ROR2: variants seen among roughly 807,000 people sequenced by gnomAD.
The protein encoded by ROR2 is tyrosine-protein kinase transmembrane receptor ROR2.
Under a neutral mutation model 74.9 loss-of-function variants are expected in ROR2, and 33 were observed. The ratio of observed to expected loss-of-function variants is 0.44; its 90% CI spans 0.33 to 0.59. The LOEUF is 0.59. Among genes scored for constraint, ROR2 ranks in the 20% least tolerant of loss-of-function variants. The probability of loss-of-function intolerance (pLI) is 0.02; values close to 1 mark genes in which losing one functional copy is unlikely to be tolerated. For missense variants in ROR2, 1,216 were observed against 1,313.8 expected (o/e 0.93, Z 1.15); for synonymous variants, 586 against 558.7 (o/e 1.05, Z -0.69).
chr9:91,782,461 T>C (rs1826649272), intron 1 of ROR2, among the ~76,000 whole-genome samples: 1 of 152,028 alleles, frequency 6.6e-6, no homozygotes, highest in Admixed American at 6.6e-5. Flanking sequence ...AAAGCAGATG[T>C]CTTCCATTTG....
Position 91,725,084 on chromosome 9 carries a change from C to T in ROR2, c.1410G>A (p.Leu470=). The change falls in exon 9 of 9, where the codon CTG becomes CTA. Residue 470 remains leucine, a synonymous_variant. Coordinates refer to ENST00000375708, the MANE Select transcript of ROR2 (RefSeq NM_004560.4). ...GCTCCTCCATGAACCTCACCGCAGA[C>T]AGGCTGATCTCTTTGAGTTTGGCCT... ...HKQAKLKEIS[L]SAVRFMEELG... 1 of 1,614,040 alleles carries T rather than the reference C, an allele frequency of 6.2e-7. No homozygotes were observed. The highest frequency in any genetic ancestry group is 1.7e-5 in the Admixed American group (1 of 60,024).
intron 4 of ROR2, among the ~76,000 whole-genome samples, chr9:91,755,039 C>T (rs1356084017): frequency 6.6e-6 from 1 of 152,132 alleles, no homozygotes; most frequent in African/African-American, 2.4e-5. Context: ...CCTGCAGTCC[C>T]AGCTACTTGG....
In ROR2 at chr9:91,847,772, C is replaced by T. The variant is rs190808390; in HGVS notation, c.98-71954G>A. On this transcript the variant is annotated intron_variant, in intron 1 of 8. Transcript: ENST00000375708. ...GCTGGTCGCAGGAAGACATCCTTCACGTCTTCGCTGCCACCAAGAATCACA... is the reference window on the plus strand; with the variant it reads ...GCTGGTCGCAGGAAGACATCCTTCATGTCTTCGCTGCCACCAAGAATCACA... 1.4e-4 allele frequency among the ~76,000 whole-genome samples: 22 copies of T among 152,262 alleles called. No individual in the cohort carries two copies. The East Asian group carries it at 3.1e-3, about 21-fold the overall frequency.
Position 91,726,533 on chromosome 9 carries a change from A to C in ROR2, c.1386+8T>G. Reference sequence around the variant, plus strand: ...GCCACCCGGGTAGAAAATGTAAGGCATGGAGACCTGTTTGTGCTGGTTAAT... The same window carrying C: ...GCCACCCGGGTAGAAAATGTAAGGCCTGGAGACCTGTTTGTGCTGGTTAAT... On this transcript the variant is annotated splice_region_variant and intron_variant, in intron 8 of 8. Transcript: ENST00000375708. The C allele has an allele frequency of 6.2e-7, 1 of 1,611,574 alleles. No individual in the cohort carries two copies. The highest frequency in any genetic ancestry group is 8.5e-7 in the Non-Finnish European group (1 of 1,179,882).
chr9:91,882,530 C>G lies in ROR2; in HGVS notation c.97+67337G>C, dbSNP rs147263532. Among the ~76,000 whole-genome samples, 28 of 151,752 alleles carry G rather than the reference C, an allele frequency of 1.8e-4. No individual in the cohort carries two copies. In the East Asian group the frequency reaches 5.4e-3, roughly 29 times the overall value. The stretch of plus-strand genomic sequence containing the variant: ...ATGCTGAACGAAAAAATATATACAA[C>G]AAGCCTCCACTTATCAAAAGGTCAA... On this transcript the variant is annotated intron_variant, in intron 1 of 8. Transcript: ENST00000375708.
chr9:91,852,153 T>C lies in ROR2; in HGVS notation c.98-76335A>G, dbSNP rs372007210. Among the ~76,000 whole-genome samples the C allele has an allele frequency of 1.6e-3, 237 of 152,264 alleles. 2 individuals carry two copies. Among genetic ancestry groups the C allele is most frequent in the Middle Eastern group, 6.8e-3 (2 of 294 alleles). On this transcript the variant is annotated intron_variant, in intron 1 of 8. Coordinates refer to ENST00000375708, the MANE Select transcript of ROR2 (RefSeq NM_004560.4). Reference sequence around the variant, plus strand: ...ACTTATTTTTATGGTTACAGATATATAAAAATGCCACTGATGTTTCTAAGT... The same window carrying C: ...ACTTATTTTTATGGTTACAGATATACAAAAATGCCACTGATGTTTCTAAGT...
intron 1 of ROR2, among the ~76,000 whole-genome samples, chr9:91,780,802 A>C (rs961057963): frequency 3.9e-5 from 6 of 152,218 alleles, no homozygotes; most frequent in Non-Finnish European, 7.3e-5. Context: ...AAAAAAAGAT[A>C]AATTTATATC....
chr9:91,858,425 G>C (rs566448211), intron 1 of ROR2, among the ~76,000 whole-genome samples: 3 of 152,032 alleles, frequency 2.0e-5, no homozygotes. Flanking sequence ...ACACAGGCGC[G>C]CACAGGGCAC....
At chr9:91,856,932 C>T (rs979561720) in intron 1 of ROR2, among the ~76,000 whole-genome samples, 5 of 152,214 alleles carry the variant, frequency 3.3e-5, no homozygotes, top group African/African-American at 4.8e-5. Flanking sequence ...ACAAATTCCA[C>T]CATTCTCTAC....
chr9:91,801,947 G>A (rs1159114469), intron 1 of ROR2, among the ~76,000 whole-genome samples: 1 of 152,210 alleles, frequency 6.6e-6, no homozygotes, highest in Non-Finnish European at 1.5e-5. Flanking sequence ...TGGGCAGATG[G>A]GGCCATGCCC....
intron 1 of ROR2, among the ~76,000 whole-genome samples, chr9:91,856,811 A>T (rs773901053): frequency 6.6e-6 from 1 of 152,228 alleles, no homozygotes; most frequent in Non-Finnish European, 1.5e-5. Flanking sequence ...GCAATTCCCA[A>T]CATGCACTGG....
At chr9:91,896,517 T>C (rs1477746599) in intron 1 of ROR2, among the ~76,000 whole-genome samples, 1 of 152,220 alleles carries the variant, frequency 6.6e-6, no homozygotes, top group Non-Finnish European at 1.5e-5. Context: ...GAATAATCAC[T>C]TGACAGTTTC....
intron 1 of ROR2, among the ~76,000 whole-genome samples, chr9:91,858,300 C>T (rs12351363): frequency 0.021 from 3,141 of 152,326 alleles, 112 homozygotes; most frequent in African/African-American, 0.072. Flanking sequence ...TGCATCCACA[C>T]GGGCATACAC....
chr9:91,939,049 G>A (rs1334264653), intron 1 of ROR2, among the ~76,000 whole-genome samples: 1 of 152,130 alleles, frequency 6.6e-6, no homozygotes, highest in African/African-American at 2.4e-5. Context: ...AGGAGATCTG[G>A]AGCATCCTGG....
rs11405599 is a variant in ROR2, at chr9:91,764,559, TACAC to T, written c.176-7004_176-7001del. On this transcript the variant is annotated intron_variant, in intron 2 of 8. Transcript: ENST00000375708. ...TTAAATGCTATGAGCTATAATCACT[TACAC>T]ACACACACACACACACACACACACC... 9.8e-3 allele frequency among the ~76,000 whole-genome samples: 1,449 copies of T among 147,686 alleles called. 13 individuals carry two copies. The highest frequency in any genetic ancestry group is 0.014 in the Non-Finnish European group (945 of 66,434).
At chr9:91,744,628 G>GAT (rs1825351939) in intron 4 of ROR2, among the ~76,000 whole-genome samples, 1 of 152,140 alleles carries the variant, frequency 6.6e-6, no homozygotes. Flanking sequence ...TGACTGTACT[G>GAT]ATAACAGATG....
chr9:91,761,362 C>T (rs2118869281), intron 2 of ROR2, among the ~76,000 whole-genome samples: 1 of 152,256 alleles, frequency 6.6e-6, no homozygotes. Context: ...ATACAACTCA[C>T]CATAATGTGT....
chr9:91,732,061 T>C lies in ROR2; in HGVS notation c.938-906A>G, dbSNP rs543220523. Among the ~76,000 whole-genome samples the C allele has an allele frequency of 2.4e-3, 372 of 152,026 alleles. 1 individual carries two copies. The highest frequency in any genetic ancestry group is 4.3e-3 in the Non-Finnish European group (292 of 67,976). Reference sequence around the variant, plus strand: ...AACTTGTCCAGGGTCACAATGAGGGTCTGAATGCAGGCAACGGGCCCAAGG... The same window carrying C: ...AACTTGTCCAGGGTCACAATGAGGGCCTGAATGCAGGCAACGGGCCCAAGG... On this transcript the variant is annotated intron_variant, in intron 6 of 8. Coordinates refer to ENST00000375708, the MANE Select transcript of ROR2 (RefSeq NM_004560.4).
intron 1 of ROR2, chr9:91,948,884 C>A: frequency 3.0e-6 from 3 of 985,446 alleles, no homozygotes; most frequent in Non-Finnish European, 3.6e-6. Context: ...CGGCCCGAGG[C>A]GCGCGGGCGG....
Sources: allele counts gnomAD v4.1 joint callset (sites outside exome capture counted in the v4.1 genomes callset), GRCh38; gene constraint gnomAD v4.1.1; transcripts MANE v1.5; gene names NCBI Gene and HGNC (gene_info 2026-07-23, HGNC 2026-07-21).